IGF1R: variants seen among roughly 807,000 people sequenced by gnomAD.
IGF1R encodes the protein insulin-like growth factor 1 receptor.
A neutral mutation model predicts 144.6 loss-of-function variants in IGF1R; 44 were observed. The observed-to-expected ratio is 0.30, with a 90% CI of 0.24 to 0.39. IGF1R has a LOEUF of 0.39. Ranked by LOEUF, IGF1R falls within the 10% of genes least tolerant of loss-of-function variation. IGF1R has a pLI of 1.00. For missense variants in IGF1R, 1,355 were observed against 1,833.7 expected (o/e 0.74, Z 4.77); for synonymous variants, 795 against 722.8 (o/e 1.10, Z -1.60).
chr15:98,661,235 C>A (rs1037857465), intron 1 of IGF1R, among the ~76,000 whole-genome samples: 1 of 152,122 alleles, frequency 6.6e-6, no homozygotes, highest in Non-Finnish European at 1.5e-5. Context: ...ACAGGTCTCT[C>A]TATCATTGAA....
chr15:98,714,102 G>A (rs973859749), intron 2 of IGF1R, among the ~76,000 whole-genome samples: 114 of 152,002 alleles, frequency 7.5e-4, no homozygotes, highest in Non-Finnish European at 6.8e-4. Flanking sequence ...TGTTTTTATT[G>A]ACAAAAGGAA....
In IGF1R at chr15:98,746,037, G is replaced by C. The variant is rs554601819; in HGVS notation, c.640+37930G>C. 5.3e-5 allele frequency among the ~76,000 whole-genome samples: 8 copies of C among 152,324 alleles called. No homozygotes were observed. The South Asian group carries it at 1.2e-3, about 24-fold the overall frequency. On this transcript the variant is annotated intron_variant, in intron 2 of 20. Transcript: ENST00000650285. The stretch of plus-strand genomic sequence containing the variant: ...TATGCACAAAATGGAATGCTCTGCT[G>C]CTGAGAGAAACCACAAGTATGCCCT...
At position 98,957,341 on chromosome 15, in the gene IGF1R, G is replaced by T; in HGVS notation, c.4003G>T (p.Val1335Phe). 11 of 1,612,092 alleles carry T rather than the reference G, an allele frequency of 6.8e-6. No homozygotes were observed. Among genetic ancestry groups the T allele is most frequent in the Non-Finnish European group, 9.3e-6 (11 of 1,178,680 alleles). The stretch of plus-strand genomic sequence containing the variant: ...GAACGGCCCCGGCCCTGGGGTGCTG[G>T]TCCTCCGCGCCAGCTTCGACGAGAG... ...AENGPGPGVLVLRASFDERQP... is the reference protein window; with the variant it reads ...AENGPGPGVLFLRASFDERQP... The change falls in exon 21 of 21, where the codon GTC (valine) becomes TTC (phenylalanine). Residue 1335 changes from valine (V) to phenylalanine (F), a missense_variant. By Grantham distance (50) the Val-to-Phe change is conservative (BLOSUM62 -1). Coordinates refer to ENST00000650285, the MANE Select transcript of IGF1R (RefSeq NM_000875.5).
intron 2 of IGF1R, among the ~76,000 whole-genome samples, chr15:98,836,663 C>A (rs2057109335): frequency 6.6e-6 from 1 of 152,124 alleles, no homozygotes; most frequent in Admixed American, 6.5e-5. Context: ...TTGAATTTCA[C>A]CAGTTTTCCC....
chr15:98,954,341 A>G (rs1398122724), intron 20 of IGF1R: 2 of 152,082 alleles, frequency 1.3e-5, no homozygotes, highest in African/African-American at 4.8e-5. Context: ...GTGTCCCCCA[A>G]AGGGGAGAGC....
chr15:98,662,252 A>AT (rs2052618797), intron 1 of IGF1R, among the ~76,000 whole-genome samples: 1 of 151,906 alleles, frequency 6.6e-6, no homozygotes, highest in Non-Finnish European at 1.5e-5. Context: ...TAGTGCTGGG[A>AT]TTACAGATGT....
intron 4 of IGF1R, among the ~76,000 whole-genome samples, chr15:98,899,115 C>T (rs563733550): frequency 6.6e-6 from 1 of 152,368 alleles, no homozygotes; most frequent in East Asian, 1.9e-4. Context: ...TGCCCTTGTA[C>T]TGTGGGGGCC....
intron 2 of IGF1R, among the ~76,000 whole-genome samples, chr15:98,826,846 G>C (rs1034923490): frequency 1.3e-5 from 2 of 152,184 alleles, no homozygotes; most frequent in African/African-American, 4.8e-5. Context: ...TAAAAGTGCA[G>C]GTGCACCTGA....
At chr15:98,682,971 T>C (rs1450833725) in intron 1 of IGF1R, among the ~76,000 whole-genome samples, 1 of 151,138 alleles carries the variant, frequency 6.6e-6, no homozygotes, top group Non-Finnish European at 1.5e-5. Flanking sequence ...TCCCTAGAGT[T>C]GATGAACCCC....
intron 3 of IGF1R, among the ~76,000 whole-genome samples, chr15:98,892,772 T>A (rs2013992981): frequency 6.6e-6 from 1 of 152,098 alleles, no homozygotes; most frequent in African/African-American, 2.4e-5. Flanking sequence ...TCCCAACACT[T>A]TGGGAGGCCA....
chr15:98,741,381 C>G (rs764574452), intron 2 of IGF1R, among the ~76,000 whole-genome samples: 2 of 151,736 alleles, frequency 1.3e-5, no homozygotes, highest in Non-Finnish European at 2.9e-5. Context: ...AAGATACTTC[C>G]TTTTTTGGAA....
chr15:98,826,556 T>C lies in IGF1R; in HGVS notation c.641-64769T>C, dbSNP rs555101171. ...TTAAATATTCTAGAGGAAGACATATTTAGGCTATAAATCTAGACTTCCTTT... is the reference window on the plus strand; with the variant it reads ...TTAAATATTCTAGAGGAAGACATATCTAGGCTATAAATCTAGACTTCCTTT... On this transcript the variant is annotated intron_variant, in intron 2 of 20. Coordinates refer to ENST00000650285, the MANE Select transcript of IGF1R (RefSeq NM_000875.5). Among the ~76,000 whole-genome samples, 200 of 152,342 alleles carry C rather than the reference T, an allele frequency of 1.3e-3. 1 individual carries two copies. Among genetic ancestry groups the C allele is most frequent in the African/African-American group, 4.5e-3 (186 of 41,578 alleles).
At chr15:98,825,917 A>G (rs1038112557) in intron 2 of IGF1R, among the ~76,000 whole-genome samples, 6 of 152,262 alleles carry the variant, frequency 3.9e-5, no homozygotes, top group African/African-American at 1.4e-4. Flanking sequence ...GATCACCCCT[A>G]TGGGTGTGAA....
At chr15:98,719,053 A>G (rs1294950703) in intron 2 of IGF1R, among the ~76,000 whole-genome samples, 3 of 152,300 alleles carry the variant, frequency 2.0e-5, no homozygotes, top group East Asian at 3.9e-4. Context: ...TATTCTTCAG[A>G]TAGGATGTAA....
intron 2 of IGF1R, among the ~76,000 whole-genome samples, chr15:98,836,409 A>C (rs1410263560): frequency 6.6e-6 from 1 of 151,840 alleles, no homozygotes; most frequent in Non-Finnish European, 1.5e-5. Context: ...AGTCTCAGCT[A>C]CTTGGGAGGC....
intron 2 of IGF1R, among the ~76,000 whole-genome samples, chr15:98,717,511 G>A (rs573109511): frequency 4.6e-5 from 7 of 152,294 alleles, no homozygotes; most frequent in African/African-American, 1.7e-4. Context: ...TGTAGGTGTG[G>A]TTCTTGCTAA....
intron 10 of IGF1R, among the ~76,000 whole-genome samples, chr15:98,921,281 C>T (rs908453162): frequency 6.6e-6 from 1 of 152,164 alleles, no homozygotes; most frequent in South Asian, 2.1e-4. Context: ...CTAGGGGGAG[C>T]CACAAAGCCC....
chr15:98,828,617 A>C (rs1213685728), intron 2 of IGF1R, among the ~76,000 whole-genome samples: 2 of 152,198 alleles, frequency 1.3e-5, no homozygotes, highest in African/African-American at 4.8e-5. Context: ...CTTCAGTTCC[A>C]GTGCTGTGGC....
At chr15:98,816,416 C>T (rs2056697063) in intron 2 of IGF1R, among the ~76,000 whole-genome samples, 1 of 152,232 alleles carries the variant, frequency 6.6e-6, no homozygotes. Flanking sequence ...TTCGAAAGCA[C>T]TTGCCTGTGT....
Sources: gnomAD v4.1 joint callset for allele counts (sites outside exome capture counted in the v4.1 genomes callset) on GRCh38, gnomAD v4.1.1 for gene constraint, MANE v1.5 for transcripts, NCBI Gene and HGNC (gene_info 2026-07-23, HGNC 2026-07-21) for gene names.